Variants in BTC observed in about 807,000 individuals in gnomAD.
The protein encoded by BTC is probetacellulin.
In BTC, 13 loss-of-function variants were observed where a neutral mutation model predicts 18.1. The observed-to-expected ratio is 0.72, with a 90% CI of 0.47 to 1.14. BTC has a LOEUF of 1.14. Ranked by LOEUF, BTC falls within the 50% of genes most tolerant of loss-of-function variation. BTC has a pLI of 0.00. For missense variants in BTC, 247 were observed against 224.2 expected (o/e 1.10, Z -0.65); for synonymous variants, 83 against 79.4 (o/e 1.05, Z -0.24).
chr4:74,792,146 G>T (rs1379291288), intron 1 of BTC, among the ~76,000 whole-genome samples: 1 of 152,150 alleles, frequency 6.6e-6, no homozygotes, highest in Non-Finnish European at 1.5e-5. Flanking sequence ...AAACAGCGAT[G>T]CCAACAAATT....
chr4:74,776,514 A>T (rs990887210), intron 1 of BTC, among the ~76,000 whole-genome samples: 3 of 152,194 alleles, frequency 2.0e-5, no homozygotes, highest in African/African-American at 7.2e-5. Flanking sequence ...ATTTATTTTT[A>T]TGCATTTTGA....
intron 1 of BTC, among the ~76,000 whole-genome samples, chr4:74,770,568 G>A (rs1459265410): frequency 6.6e-6 from 1 of 152,112 alleles, no homozygotes; most frequent in East Asian, 1.9e-4. Flanking sequence ...GTTCTCAGGT[G>A]TTAACAACTG....
chr4:74,772,237 A>G (rs974740661), intron 1 of BTC, among the ~76,000 whole-genome samples: 13 of 152,194 alleles, frequency 8.5e-5, no homozygotes, highest in Admixed American at 8.5e-4. Flanking sequence ...AGCACATTTT[A>G]TCTGTTGCAA....
intron 1 of BTC, among the ~76,000 whole-genome samples, chr4:74,791,130 C>T (rs1046040623): frequency 1.3e-5 from 2 of 152,082 alleles, no homozygotes; most frequent in South Asian, 2.1e-4. Flanking sequence ...TCTCTTGAGA[C>T]CAGGAGTTTA....
chr4:74,751,828 T>A (rs1553956217), intron 3 of BTC, among the ~76,000 whole-genome samples: 2 of 152,208 alleles, frequency 1.3e-5, no homozygotes, highest in African/African-American at 2.4e-5. Context: ...TTATTAATAT[T>A]AGGGAAATAG....
intron 2 of BTC, among the ~76,000 whole-genome samples, chr4:74,760,170 G>A (rs1724711579): frequency 6.6e-6 from 1 of 152,166 alleles, no homozygotes. Context: ...TTATTACAGT[G>A]CTTTTTTGTA....
At chr4:74,768,875 T>A (rs147727157) in intron 2 of BTC, among the ~76,000 whole-genome samples, 1 of 152,266 alleles carries the variant, frequency 6.6e-6, no homozygotes, top group East Asian at 1.9e-4. Context: ...ATTGAAGACA[T>A]TTGAAACCAG....
chr4:74,759,009 C>T (rs1238293251), intron 2 of BTC, among the ~76,000 whole-genome samples: 2 of 152,014 alleles, frequency 1.3e-5, no homozygotes, highest in African/African-American at 4.8e-5. Flanking sequence ...TGGTCTCTCC[C>T]TTGTGAAAAT....
chr4:74,784,070 TA>T (rs1725411276), intron 1 of BTC, among the ~76,000 whole-genome samples: 1 of 151,606 alleles, frequency 6.6e-6, no homozygotes, highest in African/African-American at 2.4e-5. Context: ...CTGTCTCTAC[TA>T]AAATACAAAA....
intron 2 of BTC, among the ~76,000 whole-genome samples, chr4:74,756,382 A>G (rs1328075209): frequency 6.6e-6 from 1 of 152,186 alleles, no homozygotes. Flanking sequence ...TTTACATAGT[A>G]TTTCCTGAGT....
At chr4:74,748,912 G>A (rs1370558697) in intron 4 of BTC, among the ~76,000 whole-genome samples, 6 of 152,122 alleles carry the variant, frequency 3.9e-5, no homozygotes, top group Admixed American at 1.3e-4. Flanking sequence ...AAAATAGGCC[G>A]TTTCCCAGCT....
In BTC at chr4:74,750,625, C is replaced by T; in HGVS notation, c.376G>A (p.Ala126Thr). 6.2e-7 allele frequency: 1 copy of T among 1,613,924 alleles called. No homozygotes were observed. Among genetic ancestry groups the T allele is most frequent in the Non-Finnish European group, 8.5e-7 (1 of 1,179,924 alleles). ...AAAATAATAAAAACTACCATAACTG[C>T]TATCAAACAAATCACCAGAATCTGT... is the stretch of plus-strand genomic sequence containing the variant. ...RGQILVICLI[A>T]VMVVFIILVI... Residue 126 changes from alanine to threonine, a missense_variant, in exon 4 of 6, where the codon GCA becomes ACA. Ala to Thr is a moderately conservative substitution (Grantham distance 58). Coordinates refer to ENST00000395743, the MANE Select transcript of BTC (RefSeq NM_001729.4).
At chr4:74,756,318 A>G (rs1553956707) in intron 2 of BTC, among the ~76,000 whole-genome samples, 1 of 152,078 alleles carries the variant, frequency 6.6e-6, no homozygotes, top group East Asian at 1.9e-4. Flanking sequence ...TAGAGAAGAG[A>G]GGTTTTTTGT....
intron 1 of BTC, among the ~76,000 whole-genome samples, chr4:74,791,551 T>A (rs1725627623): frequency 6.6e-6 from 1 of 152,226 alleles, no homozygotes; most frequent in Admixed American, 6.5e-5. Context: ...TTTATATTTA[T>A]ATTAAATGTA....
chr4:74,792,006 C>CAA (rs1491266994), intron 1 of BTC, among the ~76,000 whole-genome samples: 1 of 138,382 alleles, frequency 7.2e-6, no homozygotes. Flanking sequence ...CACACACACA[C>CAA]AAACACTAGT....
intron 5 of BTC, among the ~76,000 whole-genome samples, chr4:74,747,210 T>C (rs1181787084): frequency 6.6e-6 from 1 of 152,230 alleles, no homozygotes; most frequent in Non-Finnish European, 1.5e-5. Context: ...TGTGCCTTCT[T>C]GGAGCCTTTC....
intron 2 of BTC, among the ~76,000 whole-genome samples, chr4:74,767,201 A>C (rs750971552): frequency 2.6e-5 from 4 of 151,968 alleles, no homozygotes; most frequent in Non-Finnish European, 5.9e-5. Context: ...ACACACACAC[A>C]CACAAACTGT....
Position 74,746,585 on chromosome 4 carries a change from C to T in BTC, c.*92G>A, listed in dbSNP as rs1286324262. On this transcript the variant is annotated 3_prime_UTR_variant, in exon 6 of 6. Coordinates refer to ENST00000395743, the MANE Select transcript of BTC (RefSeq NM_001729.4). ...ATACATTATTTAAAATTCATGTCTA[C>T]TAGCTGTTTTCCTGAGACACATTCT... is the stretch of plus-strand genomic sequence containing the variant. 1 of 152,578 alleles carries T rather than the reference C, an allele frequency of 6.6e-6. No individual in the cohort carries two copies. Among genetic ancestry groups the T allele is most frequent in the Admixed American group, 6.5e-5 (1 of 15,278 alleles). The allele number at this position is 152,578 out of a possible 1,614,324, so 9.5% of individuals were successfully genotyped here.
At chr4:74,758,309 A>C (rs1031747332) in intron 2 of BTC, among the ~76,000 whole-genome samples, 2 of 152,220 alleles carry the variant, frequency 1.3e-5, no homozygotes, top group South Asian at 4.1e-4. Context: ...GATGATTCCT[A>C]TGGATGAAAT....
Sources: gnomAD v4.1 joint callset for allele counts (sites outside exome capture counted in the v4.1 genomes callset) on GRCh38, gnomAD v4.1.1 for gene constraint, MANE v1.5 for transcripts, NCBI Gene and HGNC (gene_info 2026-07-23, HGNC 2026-07-21) for gene names.